PSMD1: variants seen among roughly 807,000 people sequenced by gnomAD.
PSMD1 encodes the protein 26S proteasome non-ATPase regulatory subunit 1.
PSMD1 carries 18 observed loss-of-function variants against 119.0 expected under a neutral mutation model. That is an observed-to-expected ratio of 0.15 (90% CI 0.10 to 0.22). The LOEUF (loss-of-function observed/expected upper bound fraction) is 0.22, where lower values mean the gene tolerates loss of function less well. PSMD1 is among the 10% of genes least tolerant of loss of function. The pLI is 1.00. For synonymous variants in PSMD1, 374 were observed against 396.6 expected (o/e 0.94, Z 0.68); for missense variants, 702 against 1,158.5 (o/e 0.61, Z 5.72).
At chr2:231,098,649 T>A (rs1397998264) in intron 16 of PSMD1, among the ~76,000 whole-genome samples, 1 of 151,994 alleles carries the variant, frequency 6.6e-6, no homozygotes, top group Non-Finnish European at 1.5e-5. Flanking sequence ...TTCCACTTCC[T>A]CTAGGGGAGG....
At chr2:231,158,637 C>G (rs1400011980) in intron 19 of PSMD1, among the ~76,000 whole-genome samples, 5 of 152,232 alleles carry the variant, frequency 3.3e-5, no homozygotes, top group Non-Finnish European at 7.3e-5. Flanking sequence ...TCGTTTTCCT[C>G]TCTTCTGCCC....
At position 231,146,440 on chromosome 2, in the gene PSMD1, G is replaced by A. The variant is rs1696255005; in HGVS notation, c.2115+84G>A. On this transcript the variant is annotated intron_variant, in intron 18 of 24. Transcript: ENST00000308696. ...TATCGTCTTTTGAGGACGTTTTTTAGTTCAAATATGGTAAACACTGAAAGT... is the reference window on the plus strand; with the variant it reads ...TATCGTCTTTTGAGGACGTTTTTTAATTCAAATATGGTAAACACTGAAAGT... 8.1e-6 allele frequency: 8 copies of A among 982,884 alleles called. No homozygotes were observed. In the Admixed American group the frequency reaches 1.2e-4, roughly 14 times the overall value. 60.9% of individuals were successfully genotyped at this position (982,884 alleles called of 1,614,324 possible).
intron 16 of PSMD1, among the ~76,000 whole-genome samples, chr2:231,121,316 C>T (rs1163702800): frequency 6.6e-6 from 1 of 152,014 alleles, no homozygotes; most frequent in Non-Finnish European, 1.5e-5. Context: ...TCACTTGAAC[C>T]CAGGAGTTTG....
At chr2:231,113,305 A>ATT (rs1559235866) in intron 16 of PSMD1, among the ~76,000 whole-genome samples, 1 of 152,236 alleles carries the variant, frequency 6.6e-6, no homozygotes, top group African/African-American at 2.4e-5. Context: ...TTGAGTTGTT[A>ATT]TTTTTGTTTT....
chr2:231,149,890 G>T (rs901310539), intron 18 of PSMD1, among the ~76,000 whole-genome samples: 5 of 152,180 alleles, frequency 3.3e-5, no homozygotes, highest in African/African-American at 1.2e-4. Context: ...TGATAATGGG[G>T]AAGTCATGAT....
chr2:231,142,733 T>C (rs1313828150), intron 17 of PSMD1, among the ~76,000 whole-genome samples: 1 of 152,138 alleles, frequency 6.6e-6, no homozygotes, highest in Non-Finnish European at 1.5e-5. Context: ...TCTTTTACCT[T>C]CTAAAATGGA....
chr2:231,129,998 C>T (rs905084081), intron 16 of PSMD1, among the ~76,000 whole-genome samples: 13 of 152,142 alleles, frequency 8.5e-5, no homozygotes, highest in Non-Finnish European at 1.8e-4. Flanking sequence ...GGATTACAGG[C>T]GCCCACCAGC....
chr2:231,085,453 A>T (rs540667389), intron 15 of PSMD1, among the ~76,000 whole-genome samples: 1 of 152,352 alleles, frequency 6.6e-6, no homozygotes, highest in East Asian at 1.9e-4. Flanking sequence ...TTCAGTGAAG[A>T]ACAGGAACCA....
At chr2:231,065,835 C>T (rs73089569) in intron 4 of PSMD1, among the ~76,000 whole-genome samples, 3,514 of 152,290 alleles carry the variant, frequency 0.023, 137 homozygotes, top group African/African-American at 0.079. Context: ...CATGAATTTT[C>T]AGACACCTTC....
At chr2:231,092,517 C>T (rs1694620383) in intron 16 of PSMD1, among the ~76,000 whole-genome samples, 1 of 152,098 alleles carries the variant, frequency 6.6e-6, no homozygotes, top group Non-Finnish European at 1.5e-5. Context: ...TCCCAGGCAC[C>T]ATAAAGTGTC....
chr2:231,097,844 A>G (rs959260259), intron 16 of PSMD1, among the ~76,000 whole-genome samples: 1 of 152,192 alleles, frequency 6.6e-6, no homozygotes, highest in Non-Finnish European at 1.5e-5. Flanking sequence ...GGGATAGCCA[A>G]TTGGACTAAA....
At position 231,081,366 on chromosome 2, in the gene PSMD1, C is replaced by T. The variant is rs139477522; in HGVS notation, c.1413+1052C>T. On this transcript the variant is annotated intron_variant, in intron 12 of 24. Transcript: ENST00000308696. Reference sequence around the variant, plus strand: ...AGCATTAAAAACCATTTCTAACTAACTTGAATAAGAAGTTTATTGGAAATA... The same window carrying T: ...AGCATTAAAAACCATTTCTAACTAATTTGAATAAGAAGTTTATTGGAAATA... 8.7e-4 allele frequency among the ~76,000 whole-genome samples: 133 copies of T among 152,154 alleles called. 1 individual carries two copies. Among genetic ancestry groups the T allele is most frequent in the African/African-American group, 3.0e-3 (123 of 41,508 alleles).
chr2:231,111,760 A>G (rs1217886321), intron 16 of PSMD1, among the ~76,000 whole-genome samples: 1 of 152,224 alleles, frequency 6.6e-6, no homozygotes, highest in East Asian at 1.9e-4. Context: ...TAAAACCTCT[A>G]GGTTTCTTTT....
Position 231,123,930 on chromosome 2 carries a change from C to A in PSMD1, c.1884-14806C>A. 3 of 668,000 alleles carry A rather than the reference C, an allele frequency of 4.5e-6. No homozygotes were observed. In the South Asian group the frequency reaches 4.8e-5, roughly 11 times the overall value. The allele number at this position is 668,000 out of a possible 1,614,324, so 41.4% of individuals were successfully genotyped here. A position where few individuals can be genotyped will look rare whatever the true frequency, so the allele number is the denominator to read the frequency against. ...AAATTCAAGTTCTCTAAAATGAGCGCATACACACATCTGTCCATGTTTGTA... is the reference window on the plus strand; with the variant it reads ...AAATTCAAGTTCTCTAAAATGAGCGAATACACACATCTGTCCATGTTTGTA... On this transcript the variant is annotated intron_variant, in intron 16 of 24. Transcript: ENST00000308696.
chr2:231,104,794 T>A (rs1694942202), intron 16 of PSMD1, among the ~76,000 whole-genome samples: 2 of 152,202 alleles, frequency 1.3e-5, no homozygotes, highest in Non-Finnish European at 2.9e-5. Context: ...AGCTTTATTC[T>A]TAATTTTCCT....
intron 16 of PSMD1, among the ~76,000 whole-genome samples, chr2:231,118,441 ACT>A (rs1695418856): frequency 1.3e-5 from 2 of 151,942 alleles, no homozygotes; most frequent in Admixed American, 1.3e-4. Flanking sequence ...AGAACAGTTA[ACT>A]CTGTTTAACT....
At chr2:231,083,802 A>C in intron 14 of PSMD1, 39 bp downstream of exon 14, 1 of 1,594,102 alleles carries the variant, frequency 6.3e-7, no homozygotes, top group Non-Finnish European at 8.6e-7. Context: ...ATTTATCTCC[A>C]GCATGTAAAA....
At chr2:231,061,232 T>C in intron 1 of PSMD1, 35 bp from the exon 2 acceptor site, 1 of 1,522,716 alleles carries the variant, frequency 6.6e-7, no homozygotes, top group Non-Finnish European at 9.0e-7. Context: ...AGTGAGAATG[T>C]GTTTCATAAT....
At position 231,079,548 on chromosome 2, in the gene PSMD1, A is replaced by T; in HGVS notation, c.1173A>T (p.Glu391Asp). 6.2e-7 allele frequency: 1 copy of T among 1,600,032 alleles called. No individual in the cohort carries two copies. Among genetic ancestry groups the T allele is most frequent in the Non-Finnish European group, 8.5e-7 (1 of 1,172,456 alleles). Residue 391 changes from glutamate to aspartate, a missense_variant, in exon 11 of 25, where the codon GAA (glutamate) becomes GAT (aspartate). Glu to Asp is a conservative substitution (Grantham distance 45). Transcript: ENST00000308696. ...TCTTTTTTTACAGAGATAATTTGGA[A>T]TGGTTAGCCAGAGCCACTAACTGGG... ...TSDQFLRDNL[E>D]WLARATNWAK... is the part of the protein sequence containing the mutation.
Sources: allele counts gnomAD v4.1 joint callset (sites outside exome capture counted in the v4.1 genomes callset), GRCh38; gene constraint gnomAD v4.1.1; transcripts MANE v1.5; gene names NCBI Gene and HGNC (gene_info 2026-07-23, HGNC 2026-07-21).